ZNF644: variants seen among roughly 807,000 people sequenced by gnomAD.
ZNF644 encodes zinc finger protein 644.
A neutral mutation model predicts 108.0 loss-of-function variants in ZNF644; 20 were observed. That is an observed-to-expected ratio of 0.19 (90% CI 0.13 to 0.27). ZNF644 has a LOEUF of 0.27. ZNF644 is among the 10% of genes least tolerant of loss of function. ZNF644 has a pLI of 1.00. For synonymous variants in ZNF644, 542 were observed against 539.1 expected (o/e 1.01, Z -0.08); for missense variants, 1,338 against 1,548.9 (o/e 0.86, Z 2.29).
intron 4 of ZNF644, among the ~76,000 whole-genome samples, chr1:90,932,623 TG>T (rs1650866815): frequency 1.3e-5 from 2 of 152,110 alleles, no homozygotes. Context: ...GATATTGATA[TG>T]GGGGATAATC....
intron 1 of ZNF644, among the ~76,000 whole-genome samples, chr1:91,010,129 T>C (rs1043774047): frequency 2.0e-5 from 3 of 152,142 alleles, no homozygotes; most frequent in Non-Finnish European, 4.4e-5. Flanking sequence ...CAAACTTCTT[T>C]AGATCCCTCC....
At chr1:90,945,050 C>T (rs1652373603) in intron 2 of ZNF644, among the ~76,000 whole-genome samples, 1 of 152,052 alleles carries the variant, frequency 6.6e-6, no homozygotes, top group African/African-American at 2.4e-5. Flanking sequence ...TTTCAACTAC[C>T]TTTGTATAGT....
chr1:90,916,447 A>G lies in ZNF644; in HGVS notation c.*351T>C. On this transcript the variant is annotated 3_prime_UTR_variant, in exon 6 of 6. Coordinates refer to ENST00000337393, the MANE Select transcript of ZNF644 (RefSeq NM_201269.3). Reference sequence around the variant, plus strand: ...TGCAAGTCTTGTGGGGAATAAACAGAGCCTTGATTCTGGTAACACTGCAAA... The same window carrying G: ...TGCAAGTCTTGTGGGGAATAAACAGGGCCTTGATTCTGGTAACACTGCAAA... 4.4e-6 allele frequency: 1 copy of G among 228,878 alleles called. No individual in the cohort carries two copies. Among genetic ancestry groups the G allele is most frequent in the South Asian group, 6.8e-5 (1 of 14,762 alleles). 14.2% of individuals were successfully genotyped at this position (228,878 alleles called of 1,614,324 possible). A position where few individuals can be genotyped will look rare whatever the true frequency, so the allele number is the denominator to read the frequency against.
chr1:90,982,631 A>T (rs895681768), intron 1 of ZNF644, among the ~76,000 whole-genome samples: 3 of 151,952 alleles, frequency 2.0e-5, no homozygotes, highest in African/African-American at 7.3e-5. Flanking sequence ...TTTTTTTTAA[A>T]AAAAATTCTA....
Position 90,965,158 on chromosome 1 carries a change from T to C in ZNF644, c.44+17152A>G, listed in dbSNP as rs542169190. On this transcript the variant is annotated intron_variant, in intron 2 of 5. Coordinates refer to ENST00000337393, the MANE Select transcript of ZNF644 (RefSeq NM_201269.3). ...GGATCTGTATAGCTAGAACTGCCTT[T>C]TAACAAAGTCCTGCAAGTGGTGGCT... Among the ~76,000 whole-genome samples the C allele has an allele frequency of 6.6e-5, 10 of 152,330 alleles. No individual in the cohort carries two copies. The South Asian group carries it at 8.3e-4, about 13-fold the overall frequency.
chr1:90,999,386 T>C (rs923124579), intron 1 of ZNF644, among the ~76,000 whole-genome samples: 4 of 152,134 alleles, frequency 2.6e-5, no homozygotes, highest in Non-Finnish European at 2.9e-5. Context: ...GTGGCAAATA[T>C]TCAACATTCT....
intron 1 of ZNF644, among the ~76,000 whole-genome samples, chr1:91,004,354 T>C (rs928646069): frequency 1.3e-5 from 2 of 152,134 alleles, no homozygotes; most frequent in Non-Finnish European, 2.9e-5. Flanking sequence ...TTTAGTAACA[T>C]TAACAACTAA....
intron 2 of ZNF644, among the ~76,000 whole-genome samples, chr1:90,981,254 A>G (rs1656518403): frequency 6.6e-6 from 1 of 152,174 alleles, no homozygotes. Context: ...AAAGCAAAAA[A>G]TAAAATTTTT....
In ZNF644 at chr1:90,939,745, C is replaced by T. The variant is rs1651760758; in HGVS notation, c.1609G>A (p.Glu537Lys). The change falls in exon 3 of 6, where the codon GAA becomes AAA. Residue 537 changes from glutamate to lysine, a missense_variant. This residue lies in a region of ZNF644 where 80 missense variants were observed against 183.0 expected (regional missense o/e 0.44). Transcript: ENST00000337393. ...CCTCGATGGCATTCCAATTCATTTT[C>T]TGTCACTGCCATGAAGTTACACTCT... ...CEECNFMAVT[E>K]NELECHRGIA... 1 of 1,613,940 alleles carries T rather than the reference C, an allele frequency of 6.2e-7. No homozygotes were observed. Among genetic ancestry groups the T allele is most frequent in the Non-Finnish European group, 8.5e-7 (1 of 1,179,942 alleles).
At chr1:90,917,188 G>A (rs1316745674) in intron 5 of ZNF644, among the ~76,000 whole-genome samples, 198 bp from the exon 6 acceptor site, 1 of 152,118 alleles carries the variant, frequency 6.6e-6, no homozygotes, top group African/African-American at 2.4e-5. Flanking sequence ...ATAAACTCCA[G>A]TAATCTTTGT....
At chr1:90,979,687 T>G (rs1656361564) in intron 2 of ZNF644, among the ~76,000 whole-genome samples, 1 of 152,156 alleles carries the variant, frequency 6.6e-6, no homozygotes, top group Non-Finnish European at 1.5e-5. Flanking sequence ...CTTCACTTCT[T>G]ACACGTGTGA....
intron 4 of ZNF644, 125 bp downstream of exon 4, chr1:90,937,360 T>TAA (rs76869597): frequency 3.4e-3 from 3,777 of 1,126,988 alleles, no homozygotes; most frequent in Non-Finnish European, 3.8e-3. Context: ...CTGTGCTCTG[T>TAA]AAAAAAAAAA....
intron 1 of ZNF644, among the ~76,000 whole-genome samples, chr1:91,013,771 A>G (rs1660189433): frequency 6.6e-6 from 1 of 152,184 alleles, no homozygotes; most frequent in Non-Finnish European, 1.5e-5. Flanking sequence ...GTCTGAATTG[A>G]GATGTGCTTT....
At position 90,978,749 on chromosome 1, in the gene ZNF644, T is replaced by G. The variant is rs562142025; in HGVS notation, c.44+3561A>C. Among the ~76,000 whole-genome samples the G allele has an allele frequency of 2.6e-5, 4 of 151,874 alleles. No individual in the cohort carries two copies. The South Asian group carries it at 8.3e-4, about 32-fold the overall frequency. ...TTAGTCTAAAGTCTTTGTGGAGACA[T>G]GTAAGTTAGGCAATCTCAAGGTTAA... is the stretch of plus-strand genomic sequence containing the variant. On this transcript the variant is annotated intron_variant, in intron 2 of 5. Transcript: ENST00000337393.
rs572906668 is a variant in ZNF644 at position 90,941,320 on chromosome 1, GA to G, written c.45-12del. 283 of 1,548,834 alleles carry G rather than the reference GA, an allele frequency of 1.8e-4. No individual in the cohort carries two copies. Among genetic ancestry groups the G allele is most frequent in the Admixed American group, 7.4e-4 (38 of 51,100 alleles). ...TTTAACACATTTAGTCTAGAAAATG[GA>G]AAAAAAAAATTTAGATTTGCATGAA... is the stretch of plus-strand genomic sequence containing the variant. On this transcript the variant is annotated splice_polypyrimidine_tract_variant and intron_variant, in intron 2 of 5. Coordinates refer to ENST00000337393, the MANE Select transcript of ZNF644 (RefSeq NM_201269.3).
intron 1 of ZNF644, among the ~76,000 whole-genome samples, chr1:91,008,666 T>C (rs1424471682): frequency 6.6e-6 from 1 of 152,246 alleles, no homozygotes; most frequent in Non-Finnish European, 1.5e-5. Flanking sequence ...GTCCCAGTGA[T>C]AGTAGGGAGC....
intron 1 of ZNF644, chr1:91,020,729 A>C (rs1296385252): frequency 6.6e-6 from 1 of 152,214 alleles, no homozygotes; most frequent in African/African-American, 2.4e-5. Flanking sequence ...TGGGACCAAA[A>C]AATGTTTACA....
At chr1:91,011,076 G>A (rs918782742) in intron 1 of ZNF644, among the ~76,000 whole-genome samples, 7 of 152,126 alleles carry the variant, frequency 4.6e-5, no homozygotes, top group African/African-American at 1.2e-4. Context: ...GCTGTTATGT[G>A]TAAAGTCTCA....
intron 1 of ZNF644, chr1:91,020,775 T>A (rs1660831992): frequency 6.7e-6 from 1 of 149,928 alleles, no homozygotes; most frequent in Non-Finnish European, 1.5e-5. Context: ...GAATACACAA[T>A]TAAAACAAAT....
Sources: allele counts gnomAD v4.1 joint callset (sites outside exome capture counted in the v4.1 genomes callset), GRCh38; gene constraint gnomAD v4.1.1; regional missense constraint gnomAD v4.1.1; transcripts MANE v1.5; gene names NCBI Gene and HGNC (gene_info 2026-07-23, HGNC 2026-07-21).